STAC: variants seen among roughly 807,000 people sequenced by gnomAD.
The protein encoded by STAC is SH3 and cysteine rich domain.
A neutral mutation model predicts 48.8 loss-of-function variants in STAC; 43 were observed. The ratio of observed to expected loss-of-function variants is 0.88; its 90% CI spans 0.69 to 1.14. The LOEUF is 1.14. Among genes scored for constraint, STAC ranks in the 50% most tolerant of loss-of-function variants. The pLI is 0.00. For synonymous variants in STAC, 193 were observed against 179.5 expected, an observed-to-expected ratio of 1.07 and a Z score of -0.60; for missense variants, 497 against 504.0, an observed-to-expected ratio of 0.99 and a Z score of 0.13.
At chr3:36,432,430 G>A (rs558967730) in intron 1 of STAC, among the ~76,000 whole-genome samples, 17 of 152,262 alleles carry the variant, frequency 1.1e-4, no homozygotes, top group African/African-American at 1.7e-4. Flanking sequence ...GGCCTGGCGT[G>A]GTGGCTCACA....
intron 1 of STAC, among the ~76,000 whole-genome samples, chr3:36,382,194 A>T (rs1283880922): frequency 6.6e-6 from 1 of 152,236 alleles, no homozygotes; most frequent in Non-Finnish European, 1.5e-5. Context: ...ATCAGTCCCC[A>T]GAGTGATATA....
chr3:36,415,502 A>C (rs2125639054), intron 1 of STAC, among the ~76,000 whole-genome samples: 1 of 152,324 alleles, frequency 6.6e-6, no homozygotes, highest in African/African-American at 2.4e-5. Context: ...GGAAAAGCAC[A>C]GTATTGGGGT....
intron 1 of STAC, among the ~76,000 whole-genome samples, chr3:36,442,734 T>C (rs1203872617): frequency 1.4e-5 from 2 of 142,446 alleles, no homozygotes; most frequent in Non-Finnish European, 3.0e-5. Flanking sequence ...ATATGTCCTA[T>C]GTCCTACACA....
intron 10 of STAC, among the ~76,000 whole-genome samples, chr3:36,534,282 C>G (rs554205240): frequency 8.5e-5 from 13 of 152,246 alleles, no homozygotes; most frequent in African/African-American, 3.1e-4. Context: ...CTATATAAAG[C>G]CTTAGCACAG....
intron 1 of STAC, among the ~76,000 whole-genome samples, chr3:36,382,425 G>A (rs1375796927): frequency 2.6e-5 from 4 of 152,236 alleles, no homozygotes; most frequent in Non-Finnish European, 5.9e-5. Flanking sequence ...CAGAGCAAAA[G>A]CCACATATGT....
chr3:36,539,040 C>T (rs1368402236), intron 10 of STAC, among the ~76,000 whole-genome samples: 1 of 152,078 alleles, frequency 6.6e-6, no homozygotes, highest in Non-Finnish European at 1.5e-5. Flanking sequence ...TCTCTGATTC[C>T]TCCCAAGAGA....
intron 10 of STAC, among the ~76,000 whole-genome samples, chr3:36,531,919 A>G (rs1343715154): frequency 6.6e-6 from 1 of 152,192 alleles, no homozygotes; most frequent in Non-Finnish European, 1.5e-5. Context: ...AATGGTAGTA[A>G]AAAACTTAAT....
intron 1 of STAC, among the ~76,000 whole-genome samples, chr3:36,414,638 G>A (rs758747552): frequency 6.8e-4 from 104 of 152,248 alleles, no homozygotes; most frequent in Admixed American, 1.1e-3. Flanking sequence ...CTTTAGCTCG[G>A]AGAAGTTTGA....
chr3:36,409,100 T>G (rs952073300), intron 1 of STAC, among the ~76,000 whole-genome samples: 1 of 152,178 alleles, frequency 6.6e-6, no homozygotes, highest in African/African-American at 2.4e-5. Flanking sequence ...GTCACAAACA[T>G]GAAATTTGCA....
chr3:36,494,701 T>C (rs762307523), intron 6 of STAC, among the ~76,000 whole-genome samples: 9 of 152,324 alleles, frequency 5.9e-5, no homozygotes, highest in Non-Finnish European at 1.0e-4. Flanking sequence ...GTAAGGATTC[T>C]TTGGCATCAC....
intron 8 of STAC, among the ~76,000 whole-genome samples, chr3:36,523,585 G>A (rs905662413): frequency 2.0e-5 from 3 of 152,190 alleles, no homozygotes; most frequent in Non-Finnish European, 1.5e-5. Context: ...AGAACATAAA[G>A]TCTCCTAAAA....
At chr3:36,408,221 C>T (rs1700122588) in intron 1 of STAC, among the ~76,000 whole-genome samples, 2 of 152,194 alleles carry the variant, frequency 1.3e-5, no homozygotes, top group Non-Finnish European at 2.9e-5. Context: ...CTATCCCATC[C>T]TCTCCATAGG....
At chr3:36,472,588 A>C (rs1450053218) in intron 2 of STAC, among the ~76,000 whole-genome samples, 1 of 152,194 alleles carries the variant, frequency 6.6e-6, no homozygotes, top group African/African-American at 2.4e-5. Flanking sequence ...GCTGCTTAGA[A>C]ACTTCTTCCA....
intron 1 of STAC, among the ~76,000 whole-genome samples, chr3:36,395,468 T>C (rs1363956130): frequency 6.6e-6 from 1 of 152,156 alleles, no homozygotes; most frequent in African/African-American, 2.4e-5. Context: ...CAGGGAGCCA[T>C]CTTCACAGAG....
intron 2 of STAC, among the ~76,000 whole-genome samples, chr3:36,454,293 C>T (rs547364902): frequency 4.6e-5 from 7 of 152,074 alleles, no homozygotes; most frequent in Non-Finnish European, 8.8e-5. Flanking sequence ...CCAGCAAGAC[C>T]ACGAGCCCAC....
At chr3:36,516,929 C>A (rs1575255964) in intron 8 of STAC, among the ~76,000 whole-genome samples, 1 of 152,150 alleles carries the variant, frequency 6.6e-6, no homozygotes, top group East Asian at 1.9e-4. Flanking sequence ...CTCATTAACA[C>A]CACCCTAAGG....
intron 1 of STAC, among the ~76,000 whole-genome samples, chr3:36,412,164 T>C (rs1700209540): frequency 6.6e-6 from 1 of 152,196 alleles, no homozygotes; most frequent in African/African-American, 2.4e-5. Flanking sequence ...GATCTTCCTT[T>C]GCTCAGCCAC....
chr3:36,407,101 C>T (rs1280100702), intron 1 of STAC, among the ~76,000 whole-genome samples: 3 of 152,180 alleles, frequency 2.0e-5, no homozygotes, highest in African/African-American at 4.8e-5. Flanking sequence ...ACTAATAGCA[C>T]ATTACCTGGC....
chr3:36,503,474 A>G (rs1698326151), intron 6 of STAC, among the ~76,000 whole-genome samples: 1 of 152,142 alleles, frequency 6.6e-6, no homozygotes, highest in Admixed American at 6.5e-5. Context: ...TCTATCACCC[A>G]GGCTGGAGTG....
Sources: allele counts gnomAD v4.1 joint callset (sites outside exome capture counted in the v4.1 genomes callset), GRCh38; gene constraint gnomAD v4.1.1; transcripts MANE v1.5; gene names NCBI Gene and HGNC (gene_info 2026-07-23, HGNC 2026-07-21).